Variants in CABLES1 observed in about 807,000 individuals in gnomAD.
The protein encoded by CABLES1 is Cdk5 and Abl enzyme substrate 1.
In CABLES1, 36 loss-of-function variants were observed where a neutral mutation model predicts 57.8. That is an observed-to-expected ratio of 0.62 (90% CI 0.48 to 0.82). The LOEUF (loss-of-function observed/expected upper bound fraction) is 0.82. CABLES1 is among the 40% of genes least tolerant of loss of function. CABLES1 has a pLI of 0.00. For synonymous variants in CABLES1, 374 were observed against 363.0 expected (o/e 1.03, Z -0.35); for missense variants, 767 against 836.6 (o/e 0.92, Z 1.03).
intron 4 of CABLES1, among the ~76,000 whole-genome samples, chr18:23,223,568 A>C (rs1598838890): frequency 7.2e-6 from 1 of 139,036 alleles, no homozygotes; most frequent in African/African-American, 2.7e-5. Flanking sequence ...ACAGAATGAG[A>C]CTCCGTCTCA....
chr18:23,150,143 C>T (rs2046917558), intron 1 of CABLES1, among the ~76,000 whole-genome samples: 1 of 151,480 alleles, frequency 6.6e-6, no homozygotes. Flanking sequence ...GTATATGTTC[C>T]CTCATCTGTG....
chr18:23,161,586 T>C (rs1436612430), intron 1 of CABLES1, among the ~76,000 whole-genome samples: 4 of 149,844 alleles, frequency 2.7e-5, no homozygotes, highest in South Asian at 2.2e-4. Flanking sequence ...AACATACGTA[T>C]GTATCTGCAT....
At chr18:23,243,892 T>C (rs1568086378) in intron 7 of CABLES1, among the ~76,000 whole-genome samples, 1 of 148,596 alleles carries the variant, frequency 6.7e-6, no homozygotes, top group African/African-American at 2.5e-5. Context: ...AAAAAAAAAC[T>C]AATACAAAAC....
intron 1 of CABLES1, among the ~76,000 whole-genome samples, chr18:23,180,725 A>C (rs2047159312): frequency 6.6e-6 from 1 of 152,178 alleles, no homozygotes; most frequent in African/African-American, 2.4e-5. Flanking sequence ...GGCTCCTTTA[A>C]GTAGTAGGCT....
chr18:23,174,451 G>A (rs1027138796), intron 1 of CABLES1, among the ~76,000 whole-genome samples: 6 of 151,440 alleles, frequency 4.0e-5, no homozygotes, highest in Admixed American at 1.3e-4. Flanking sequence ...GGGATTGTTG[G>A]TCATATGGGG....
At chr18:23,191,811 T>A (rs1293163481) in intron 2 of CABLES1, among the ~76,000 whole-genome samples, 2 of 150,192 alleles carry the variant, frequency 1.3e-5, no homozygotes, top group Non-Finnish European at 3.0e-5. Context: ...CCTGCCAACC[T>A]GAGCGCCCGG....
chr18:23,249,909 T>C (rs2047996433), intron 7 of CABLES1, among the ~76,000 whole-genome samples: 1 of 152,238 alleles, frequency 6.6e-6, no homozygotes, highest in Non-Finnish European at 1.5e-5. Flanking sequence ...GCAGCCACTC[T>C]GGGAGACCAG....
chr18:23,246,567 GT>G (rs1229431128), intron 7 of CABLES1, among the ~76,000 whole-genome samples: 1 of 151,532 alleles, frequency 6.6e-6, no homozygotes, highest in African/African-American at 2.4e-5. Context: ...AATTTTTTGT[GT>G]TTTTAGTAGA....
At chr18:23,194,397 A>C (rs1191736282) in intron 2 of CABLES1, 51 bp from the exon 3 acceptor site, 2 of 1,170,446 alleles carry the variant, frequency 1.7e-6, no homozygotes, top group Non-Finnish European at 2.6e-6. Context: ...GAGACGTCTC[A>C]GCTGTCCAGC....
intron 4 of CABLES1, chr18:23,219,268 C>T (rs887653857): frequency 4.6e-5 from 21 of 453,910 alleles, no homozygotes; most frequent in African/African-American, 2.6e-4. Context: ...GAGTAGGAGA[C>T]GGGAATAAGC....
rs190448090 is a variant in CABLES1, at chr18:23,165,661, C to T, written c.846-23177C>T. On this transcript the variant is annotated intron_variant, in intron 1 of 9. Coordinates refer to ENST00000256925, the MANE Select transcript of CABLES1 (RefSeq NM_001100619.3). Reference sequence around the variant, plus strand: ...GGCTTATTTCACTTAGCATAATGTCCTTCATATGGTAGCACACATCTGAAT... The same window carrying T: ...GGCTTATTTCACTTAGCATAATGTCTTTCATATGGTAGCACACATCTGAAT... Among the ~76,000 whole-genome samples the T allele has an allele frequency of 7.6e-4, 115 of 152,274 alleles. 1 individual carries two copies. Among genetic ancestry groups the T allele is most frequent in the African/African-American group, 2.0e-3 (85 of 41,554 alleles).
intron 5 of CABLES1, 51 bp downstream of exon 5, chr18:23,234,755 C>A: frequency 6.9e-7 from 1 of 1,458,602 alleles, no homozygotes; most frequent in Non-Finnish European, 9.5e-7. Context: ...GCACAAGGGT[C>A]AGGAAGCAGA....
chr18:23,196,752 G>C (rs1271799080), intron 3 of CABLES1: 1 of 152,390 alleles, frequency 6.6e-6, no homozygotes, highest in Non-Finnish European at 1.5e-5. Context: ...AGAAATGGGA[G>C]GTGAGTGTGT....
intron 1 of CABLES1, among the ~76,000 whole-genome samples, chr18:23,147,292 A>C (rs989598682): frequency 6.6e-6 from 1 of 152,256 alleles, no homozygotes; most frequent in Non-Finnish European, 1.5e-5. Context: ...GGAGCTCCAT[A>C]GCTCTGCCGC....
chr18:23,236,606 G>A (rs187084217), intron 6 of CABLES1, among the ~76,000 whole-genome samples: 2 of 152,316 alleles, frequency 1.3e-5, no homozygotes, highest in Admixed American at 1.3e-4. Flanking sequence ...CCAGGTGGAT[G>A]TGAAGTTCCC....
At chr18:23,192,645 G>T (rs756202090) in intron 2 of CABLES1, among the ~76,000 whole-genome samples, 13 of 152,196 alleles carry the variant, frequency 8.5e-5, no homozygotes, top group African/African-American at 3.1e-4. Context: ...CAGGGAAGTG[G>T]TATAAGGATG....
chr18:23,188,603 C>T (rs2047219719), intron 1 of CABLES1, among the ~76,000 whole-genome samples: 1 of 150,842 alleles, frequency 6.6e-6, no homozygotes, highest in South Asian at 2.1e-4. Context: ...GGATCAGTCA[C>T]TTCCTTAATC....
chr18:23,177,428 C>CAT (rs959811663), intron 1 of CABLES1, among the ~76,000 whole-genome samples: 1 of 150,716 alleles, frequency 6.6e-6, no homozygotes, highest in Non-Finnish European at 1.5e-5. Flanking sequence ...TACACACACA[C>CAT]ACACACACAC....
intron 1 of CABLES1, among the ~76,000 whole-genome samples, chr18:23,163,403 G>C (rs2047018543): frequency 6.6e-6 from 1 of 152,112 alleles, no homozygotes; most frequent in African/African-American, 2.4e-5. Context: ...CCAGGGAGCG[G>C]GGACAGAGAG....
Sources: gnomAD v4.1 joint callset for allele counts (sites outside exome capture counted in the v4.1 genomes callset) on GRCh38, gnomAD v4.1.1 for gene constraint, MANE v1.5 for transcripts, NCBI Gene and HGNC (gene_info 2026-07-23, HGNC 2026-07-21) for gene names.